The following LRP11 variants were observed in gnomAD, a reference collection of about 807,000 sequenced individuals.
LRP11 encodes low-density lipoprotein receptor-related protein 11.
A neutral mutation model predicts 43.1 loss-of-function variants in LRP11; 25 were observed. The ratio of observed to expected loss-of-function variants is 0.58; its 90% CI spans 0.42 to 0.81. The LOEUF is 0.81. Among genes scored for constraint, LRP11 ranks in the 30% least tolerant of loss-of-function variants. The pLI, the probability that LRP11 is intolerant of heterozygous loss-of-function variation, is 0.00. For synonymous variants in LRP11, 316 were observed against 299.4 expected (o/e 1.06, Z -0.57); for missense variants, 623 against 665.1 (o/e 0.94, Z 0.70).
At chr6:149,841,867 G>A (rs1402351417) in intron 3 of LRP11, among the ~76,000 whole-genome samples, 1 of 151,862 alleles carries the variant, frequency 6.6e-6, no homozygotes, top group Non-Finnish European at 1.5e-5. Flanking sequence ...AGCCGAGACT[G>A]CACCACTGCA....
rs1776573826 is a variant in LRP11 at position 149,843,040 on chromosome 6, GC to G, written c.855del (p.Gln286ArgfsTer9). The G allele has an allele frequency of 6.2e-7, 1 of 1,614,054 alleles. No homozygotes were observed. The highest frequency in any genetic ancestry group is 1.1e-5 in the South Asian group (1 of 91,084). On this transcript the variant is annotated frameshift_variant, in exon 3 of 7. Transcript: ENST00000239367. LOFTEE classifies it high-confidence loss of function. ...TFQLTVTDTA[G>X]QRSSDNVSVT... is the part of the protein sequence containing the mutation. The stretch of plus-strand genomic sequence containing the variant: ...ACTGACACGTTGTCAGAGCTTCTCT[GC>G]CCGGCAGTGTCCGTCACGGTCAGCT...
At position 149,839,165 on chromosome 6, in the gene LRP11, G is replaced by A. The variant is rs149006091; in HGVS notation, c.914-1702C>T. On this transcript the variant is annotated intron_variant, in intron 3 of 6. Coordinates refer to ENST00000239367, the MANE Select transcript of LRP11 (RefSeq NM_032832.6). ...CTGCCTCAGCCTCCCAAAGTGCTGAGATTACAGGTGTAAGCCACTGCGCCC... is the reference window on the plus strand; with the variant it reads ...CTGCCTCAGCCTCCCAAAGTGCTGAAATTACAGGTGTAAGCCACTGCGCCC... Among the ~76,000 whole-genome samples the A allele has an allele frequency of 3.4e-3, 509 of 151,736 alleles. 6 individuals carry two copies. Among genetic ancestry groups the A allele is most frequent in the African/African-American group, 0.012 (487 of 41,360 alleles).
intron 2 of LRP11, among the ~76,000 whole-genome samples, chr6:149,849,686 T>C (rs891066933): frequency 6.6e-6 from 1 of 152,080 alleles, no homozygotes; most frequent in Non-Finnish European, 1.5e-5. Flanking sequence ...TGAGCTATGA[T>C]TGTGCCACTC....
At chr6:149,857,199 G>C (rs976431594) in intron 1 of LRP11, among the ~76,000 whole-genome samples, 1 of 152,146 alleles carries the variant, frequency 6.6e-6, no homozygotes, top group Non-Finnish European at 1.5e-5. Context: ...GGCATAGGCC[G>C]AACTAATTTT....
chr6:149,842,841 G>A (rs1776569517), intron 3 of LRP11, 142 bp downstream of exon 3: 1 of 1,217,338 alleles, frequency 8.2e-7, no homozygotes, highest in African/African-American at 1.5e-5. Context: ...TTGTTATTGT[G>A]TTTTTAGCAA....
chr6:149,859,396 A>ATATATATATATTTTTTTTTT, intron 1 of LRP11, among the ~76,000 whole-genome samples: 4 of 71,492 alleles, frequency 5.6e-5, no homozygotes, highest in South Asian at 1.0e-3. Context: ...ATATATATAT[A>ATATATATATATTTTTTTTTT]TTTTTTTTTT....
intron 1 of LRP11, among the ~76,000 whole-genome samples, chr6:149,854,165 C>A (rs1376500516): frequency 6.6e-6 from 1 of 152,196 alleles, no homozygotes; most frequent in African/African-American, 2.4e-5. Context: ...GTCTCTATCA[C>A]CCAGGCTGGT....
At chr6:149,859,396 A>ATATATATATATATATATATTTTTT in intron 1 of LRP11, among the ~76,000 whole-genome samples, 5 of 71,496 alleles carry the variant, frequency 7.0e-5, no homozygotes, top group African/African-American at 4.1e-4. Context: ...ATATATATAT[A>ATATATATATATATATATATTTTTT]TTTTTTTTTT....
chr6:149,844,650 C>T (rs1776604798), intron 2 of LRP11, among the ~76,000 whole-genome samples: 1 of 152,160 alleles, frequency 6.6e-6, no homozygotes, highest in Non-Finnish European at 1.5e-5. Context: ...GGATATTGTC[C>T]TCTGCAGAAT....
At chr6:149,835,679 C>T (rs1406936766) in intron 5 of LRP11, among the ~76,000 whole-genome samples, 1 of 152,064 alleles carries the variant, frequency 6.6e-6, no homozygotes, top group Admixed American at 6.6e-5. Context: ...GGAGGCATAA[C>T]GTTGAATTAC....
At chr6:149,832,073 A>T (rs533900350) in intron 5 of LRP11, among the ~76,000 whole-genome samples, 2 of 152,234 alleles carry the variant, frequency 1.3e-5, no homozygotes, top group South Asian at 4.1e-4. Context: ...AACATTAATT[A>T]TTATAATTCT....
chr6:149,842,311 GT>G (rs1417430193), intron 3 of LRP11, among the ~76,000 whole-genome samples: 1 of 152,002 alleles, frequency 6.6e-6, no homozygotes, highest in Non-Finnish European at 1.5e-5. Flanking sequence ...GAGGCACAAT[GT>G]GATGTTTTGA....
At chr6:149,850,092 A>G (rs1292566473) in intron 2 of LRP11, among the ~76,000 whole-genome samples, 1 of 152,154 alleles carries the variant, frequency 6.6e-6, no homozygotes, top group Non-Finnish European at 1.5e-5. Flanking sequence ...CGCTCAGGGG[A>G]AAGCCCAATC....
intron 6 of LRP11, 107 bp from the exon 7 acceptor site, chr6:149,820,810 A>G: frequency 1.6e-6 from 1 of 612,866 alleles, no homozygotes; most frequent in Non-Finnish European, 3.0e-6. Flanking sequence ...ATTTAATCCA[A>G]ACAAATTGTT....
chr6:149,850,342 T>C (rs1170616782), intron 2 of LRP11, among the ~76,000 whole-genome samples: 5 of 152,144 alleles, frequency 3.3e-5, no homozygotes, highest in Non-Finnish European at 7.4e-5. Context: ...GCAGAAATGT[T>C]GGGGTGTGAA....
At chr6:149,860,656 C>G (rs1776878087) in intron 1 of LRP11, among the ~76,000 whole-genome samples, 1 of 152,130 alleles carries the variant, frequency 6.6e-6, no homozygotes, top group South Asian at 2.1e-4. Context: ...ACTTCAAGCA[C>G]CCTCCTCTGT....
rs762528200 is a variant in LRP11 at position 149,820,722 on chromosome 6, T to C, written c.1349-19A>G. 1 of 780,198 alleles carries C rather than the reference T, an allele frequency of 1.3e-6. No individual in the cohort carries two copies. The highest frequency in any genetic ancestry group is 1.7e-5 in the Admixed American group (1 of 58,862). The allele number at this position is 780,198 out of a possible 1,614,324, so 48.3% of individuals were successfully genotyped here. ...ACTGCACCTTTGAGAAGGTTAGACA[T>C]GAAGAGGGCAAGCCAGTGATTAGTC... On this transcript the variant is annotated intron_variant, in intron 6 of 6. Transcript: ENST00000239367.
At chr6:149,857,388 A>C (rs1458366732) in intron 1 of LRP11, among the ~76,000 whole-genome samples, 1 of 151,760 alleles carries the variant, frequency 6.6e-6, no homozygotes, top group Admixed American at 6.6e-5. Context: ...AAGTAGCCTG[A>C]TGTGTGGCAC....
At chr6:149,842,711 A>C in intron 3 of LRP11, 1 of 1,547,568 alleles carries the variant, frequency 6.5e-7, no homozygotes, top group Non-Finnish European at 8.7e-7. Flanking sequence ...ATAGCCAAGC[A>C]ATTGTCTTTG....
Sources: gnomAD v4.1 joint callset for allele counts (sites outside exome capture counted in the v4.1 genomes callset) on GRCh38, gnomAD v4.1.1 for gene constraint, MANE v1.5 for transcripts, NCBI Gene and HGNC (gene_info 2026-07-23, HGNC 2026-07-21) for gene names.